ADGRG7: variants seen among roughly 807,000 people sequenced by gnomAD.
ADGRG7 encodes adhesion G protein-coupled receptor G7.
In ADGRG7, 82 loss-of-function variants were observed where a neutral mutation model predicts 88.6. That is an observed-to-expected ratio of 0.93 (90% confidence interval 0.77 to 1.11). ADGRG7 has a LOEUF of 1.11. Ranked by LOEUF, ADGRG7 falls within the 50% of genes most tolerant of loss-of-function variation. The probability of loss-of-function intolerance (pLI) is 0.00; values close to 1 mark genes in which losing one functional copy is unlikely to be tolerated. For synonymous variants in ADGRG7, 381 were observed against 345.2 expected (o/e 1.10, Z -1.15); for missense variants, 945 against 953.4 (o/e 0.99, Z 0.12).
chr3:100,645,642 C>T (rs1275411921), intron 8 of ADGRG7, among the ~76,000 whole-genome samples: 1 of 151,960 alleles, frequency 6.6e-6, no homozygotes, highest in Non-Finnish European at 1.5e-5. Context: ...AAGACGTTTA[C>T]TTTATATATG....
intron 13 of ADGRG7, among the ~76,000 whole-genome samples, chr3:100,657,670 G>T (rs145228511): frequency 2.6e-4 from 39 of 152,288 alleles, no homozygotes; most frequent in Non-Finnish European, 4.6e-4. Flanking sequence ...TCTGCATCCA[G>T]TTATAATGCT....
intron 1 of ADGRG7, among the ~76,000 whole-genome samples, chr3:100,622,156 C>T (rs1707320174): frequency 6.6e-6 from 1 of 152,002 alleles, no homozygotes; most frequent in Non-Finnish European, 1.5e-5. Flanking sequence ...GATTGGTACC[C>T]GGGGCTGGGG....
At chr3:100,679,777 G>A (rs1242430763) in intron 15 of ADGRG7, among the ~76,000 whole-genome samples, 1 of 152,132 alleles carries the variant, frequency 6.6e-6, no homozygotes, top group Non-Finnish European at 1.5e-5. Flanking sequence ...TCCTATGTAA[G>A]GGGTTCATGG....
intron 15 of ADGRG7, among the ~76,000 whole-genome samples, chr3:100,681,664 C>T (rs1353244584): frequency 6.6e-6 from 1 of 152,136 alleles, no homozygotes; most frequent in Non-Finnish European, 1.5e-5. Flanking sequence ...CTCTATGCCT[C>T]CTCCCATAGT....
At chr3:100,620,067 C>T (rs549183667) in intron 1 of ADGRG7, among the ~76,000 whole-genome samples, 2 of 152,264 alleles carry the variant, frequency 1.3e-5, no homozygotes, top group South Asian at 4.2e-4. Flanking sequence ...ATGAGGCCAG[C>T]CTCATCCTGT....
chr3:100,664,666 T>C (rs2094949610), intron 14 of ADGRG7, among the ~76,000 whole-genome samples: 1 of 152,218 alleles, frequency 6.6e-6, no homozygotes, highest in Non-Finnish European at 1.5e-5. Context: ...GCTATTTTCA[T>C]AAATAAACTG....
At chr3:100,644,734 T>C (rs978602268) in intron 8 of ADGRG7, among the ~76,000 whole-genome samples, 3 of 152,040 alleles carry the variant, frequency 2.0e-5, no homozygotes, top group African/African-American at 7.2e-5. Context: ...TCTCGCTATA[T>C]TGCTCAGCCT....
In ADGRG7 at chr3:100,653,186, C is replaced by G. The variant is rs570401949; in HGVS notation, c.1380-1649C>G. 3.9e-5 allele frequency among the ~76,000 whole-genome samples: 6 copies of G among 152,268 alleles called. No homozygotes were observed. The South Asian group carries it at 6.2e-4, about 16-fold the overall frequency. On this transcript the variant is annotated intron_variant, in intron 11 of 15. Coordinates refer to ENST00000273352, the MANE Select transcript of ADGRG7 (RefSeq NM_032787.3). ...TAAAAAAGCAGTAATCATTAGTCTA[C>G]TTAAATTATAAAGAATAGCATCAGT...
At chr3:100,619,730 C>T (rs1398023642) in intron 1 of ADGRG7, among the ~76,000 whole-genome samples, 1 of 152,066 alleles carries the variant, frequency 6.6e-6, no homozygotes, top group Non-Finnish European at 1.5e-5. Context: ...GGGGATATCA[C>T]CACCGATCCC....
At chr3:100,675,759 T>C (rs1355943465) in intron 15 of ADGRG7, among the ~76,000 whole-genome samples, 1 of 152,166 alleles carries the variant, frequency 6.6e-6, no homozygotes, top group African/African-American at 2.4e-5. Flanking sequence ...GCTAGGAAAC[T>C]TTTTATTACA....
chr3:100,628,434 C>G (rs1307510016), intron 1 of ADGRG7, among the ~76,000 whole-genome samples: 1 of 151,834 alleles, frequency 6.6e-6, no homozygotes, highest in East Asian at 1.9e-4. Context: ...TCTCAACTCA[C>G]TGCAACCTCC....
rs201699644 is a variant in ADGRG7 at position 100,635,845 on chromosome 3, T to TA, written c.597+27dup. ...ACCTGAGGTAAAACTCACAGAGCTT[T>TA]AAAAAAAATTTTTTTTTTATTTTTA... On this transcript the variant is annotated intron_variant, in intron 5 of 15. Coordinates refer to ENST00000273352, the MANE Select transcript of ADGRG7 (RefSeq NM_032787.3). The TA allele has an allele frequency of 2.8e-4, 419 of 1,520,574 alleles. 1 individual carries two copies. The highest frequency in any genetic ancestry group is 1.3e-3 in the East Asian group (54 of 42,386). The allele number at this position is 1,520,574 out of a possible 1,614,324, so 94.2% of individuals were successfully genotyped here. A position where few individuals can be genotyped will look rare whatever the true frequency, so the allele number is the denominator to read the frequency against.
intron 1 of ADGRG7, among the ~76,000 whole-genome samples, chr3:100,616,963 G>A (rs2149011518): frequency 6.6e-6 from 1 of 152,256 alleles, no homozygotes; most frequent in Non-Finnish European, 1.5e-5. Flanking sequence ...AAAATTTGAT[G>A]TATAGAAGGC....
intron 13 of ADGRG7, among the ~76,000 whole-genome samples, chr3:100,657,871 A>C (rs1037025134): frequency 6.6e-6 from 1 of 152,236 alleles, no homozygotes; most frequent in Non-Finnish European, 1.5e-5. Flanking sequence ...CAGATTAGAA[A>C]TATGATTTCC....
At chr3:100,659,568 G>A (rs944676240) in intron 13 of ADGRG7, 120 bp from the exon 14 acceptor site, 9 of 780,598 alleles carry the variant, frequency 1.2e-5, no homozygotes, top group Non-Finnish European at 1.8e-5. Context: ...GTAAAATGCA[G>A]AGGGATGTTA....
chr3:100,679,751 A>T (rs569897207), intron 15 of ADGRG7, among the ~76,000 whole-genome samples: 78 of 152,260 alleles, frequency 5.1e-4, no homozygotes, highest in African/African-American at 1.9e-3. Context: ...ATTGGGACAC[A>T]TCTTCTTTCC....
chr3:100,687,850 T>C (rs1396636712), intron 15 of ADGRG7, among the ~76,000 whole-genome samples: 1 of 152,208 alleles, frequency 6.6e-6, no homozygotes, highest in Non-Finnish European at 1.5e-5. Flanking sequence ...TTTTTTGTTG[T>C]GTCTCTGCCA....
chr3:100,642,228 G>A (rs929896355), intron 6 of ADGRG7, among the ~76,000 whole-genome samples: 1 of 152,168 alleles, frequency 6.6e-6, no homozygotes, highest in Non-Finnish European at 1.5e-5. Context: ...GATACTGTTT[G>A]GTAGAATGAT....
chr3:100,639,047 T>C (rs1470669934), intron 6 of ADGRG7, among the ~76,000 whole-genome samples: 1 of 143,778 alleles, frequency 7.0e-6, no homozygotes, highest in Non-Finnish European at 1.5e-5. Context: ...TGTGTGTGTG[T>C]GTGTGTGTGT....
Sources: gnomAD v4.1 joint callset for allele counts (sites outside exome capture counted in the v4.1 genomes callset) on GRCh38, gnomAD v4.1.1 for gene constraint, MANE v1.5 for transcripts, NCBI Gene and HGNC (gene_info 2026-07-23, HGNC 2026-07-21) for gene names.